TBL1X: variants seen among roughly 807,000 people sequenced by gnomAD.
The protein encoded by TBL1X is F-box-like/WD repeat-containing protein TBL1X.
TBL1X carries 10 observed loss-of-function variants against 50.7 expected under a neutral mutation model. That is an observed-to-expected ratio of 0.20 (90% CI 0.12 to 0.33). The LOEUF (loss-of-function observed/expected upper bound fraction) is 0.33, where lower values mean the gene tolerates loss of function less well. Ranked by LOEUF, TBL1X falls within the 10% of genes least tolerant of loss-of-function variation. TBL1X has a pLI of 1.00. For missense variants in TBL1X, 340 were observed against 504.4 expected (o/e 0.67, Z 3.12); for synonymous variants, 190 against 214.7 (o/e 0.88, Z 1.01).
intron 2 of TBL1X, among the ~76,000 whole-genome samples, chrX:9,606,716 AT>A (rs112206188): frequency 0.035 from 3,955 of 111,529 alleles, 63 homozygotes; most frequent in Middle Eastern, 0.084. Flanking sequence ...TCACATACCA[AT>A]TTTTTTGCTC....
chrX:9,706,954 C>T (rs1036422099), intron 13 of TBL1X, among the ~76,000 whole-genome samples: 2 of 111,768 alleles, frequency 1.8e-5, no homozygotes, highest in Non-Finnish European at 3.8e-5. Context: ...ATTCACGGCA[C>T]CCCCTGAGCT....
At chrX:9,672,885 A>G (rs1360962505) in intron 5 of TBL1X, among the ~76,000 whole-genome samples, 1 of 112,631 alleles carries the variant, frequency 8.9e-6, no homozygotes, top group Non-Finnish European at 1.9e-5. Flanking sequence ...ACAAAATACC[A>G]TAAACAACAG....
chrX:9,623,386 C>A (rs1242945601), intron 2 of TBL1X, among the ~76,000 whole-genome samples: 2 of 111,471 alleles, frequency 1.8e-5, no homozygotes, highest in Non-Finnish European at 3.8e-5. Flanking sequence ...TGCTATGGCC[C>A]TTCGAGAACA....
chrX:9,678,699 T>C (rs1601833846), intron 5 of TBL1X, among the ~76,000 whole-genome samples: 1 of 112,891 alleles, frequency 8.9e-6, no homozygotes, highest in Middle Eastern at 4.6e-3. Context: ...AGGCCAGTGA[T>C]TGATAACTTA....
intron 7 of TBL1X, among the ~76,000 whole-genome samples, chrX:9,690,221 G>A (rs780858984): frequency 8.9e-6 from 1 of 112,372 alleles, no homozygotes; most frequent in African/African-American, 3.2e-5. Flanking sequence ...CTCTGTCACA[G>A]CTGCTGAAGT....
intron 2 of TBL1X, among the ~76,000 whole-genome samples, chrX:9,556,495 C>A (rs1189902066): frequency 1.9e-5 from 2 of 104,865 alleles, no homozygotes; most frequent in Non-Finnish European, 3.9e-5. Context: ...CTGTCTCTCT[C>A]TAAAAAAAAA....
chrX:9,556,202 A>G (rs2082297946), intron 2 of TBL1X, among the ~76,000 whole-genome samples: 1 of 61,890 alleles, frequency 1.6e-5, no homozygotes, highest in South Asian at 7.0e-4. Flanking sequence ...AAAAAAAACA[A>G]AACAAAACAA....
At chrX:9,547,151 G>T (rs1489147900) in intron 2 of TBL1X, among the ~76,000 whole-genome samples, 1 of 110,903 alleles carries the variant, frequency 9.0e-6, no homozygotes, top group Non-Finnish European at 1.9e-5. Context: ...GTTATACGTT[G>T]TTGTCATTAC....
chrX:9,558,624 G>A (rs990521140), intron 2 of TBL1X, among the ~76,000 whole-genome samples: 14 of 111,490 alleles, frequency 1.3e-4, no homozygotes, highest in African/African-American at 4.2e-4. Flanking sequence ...GAACATAGTG[G>A]TTACAGATTG....
At chrX:9,522,488 A>G (rs764938331) in intron 2 of TBL1X, among the ~76,000 whole-genome samples, 2 of 111,046 alleles carry the variant, frequency 1.8e-5, no homozygotes, top group Non-Finnish European at 3.8e-5. Context: ...GGGAAGGCTG[A>G]CCATAGCAGG....
intron 2 of TBL1X, among the ~76,000 whole-genome samples, chrX:9,602,756 T>C (rs906320738): frequency 1.2e-4 from 13 of 112,604 alleles, no homozygotes; most frequent in Admixed American, 7.5e-4. Context: ...ATTTTAACTC[T>C]TATGAGATAT....
chrX:9,714,021 C>T (rs1280316402), intron 16 of TBL1X, among the ~76,000 whole-genome samples: 1 of 109,698 alleles, frequency 9.1e-6, no homozygotes, highest in Non-Finnish European at 1.9e-5. Flanking sequence ...CACTGTGTTG[C>T]CCAGGCTAGT....
intron 17 of TBL1X, 49 bp from the exon 18 acceptor site, chrX:9,716,171 A>T: frequency 3.3e-6 from 4 of 1,199,140 alleles, no homozygotes; most frequent in East Asian, 3.0e-5. Context: ...CTCTAAAGGC[A>T]TCTTTGTATT....
intron 2 of TBL1X, among the ~76,000 whole-genome samples, chrX:9,584,624 T>C (rs1224115909): frequency 8.9e-6 from 1 of 112,409 alleles, no homozygotes; most frequent in East Asian, 2.8e-4. Flanking sequence ...AATGGGATTA[T>C]TGGAAGCAAT....
chrX:9,581,134 G>A (rs750041270), intron 2 of TBL1X, among the ~76,000 whole-genome samples: 74 of 112,085 alleles, frequency 6.6e-4, no homozygotes, highest in Non-Finnish European at 1.1e-3. Context: ...AATGGTTGCA[G>A]CATCCATCAT....
rs184357369 is a variant in TBL1X at position 9,557,855 on chromosome X, A to G, written c.-131+56006A>G. ...GGCGTGGAGAACCCGCTTAATAAATAATGAGAATATATTGCTGGACTGAAA... is the reference window on the plus strand; with the variant it reads ...GGCGTGGAGAACCCGCTTAATAAATGATGAGAATATATTGCTGGACTGAAA... On this transcript the variant is annotated intron_variant, in intron 2 of 17. Transcript: ENST00000645353. Among the ~76,000 whole-genome samples, 372 of 112,211 alleles carry G rather than the reference A, an allele frequency of 3.3e-3. 1 individual carries two copies. The South Asian group carries it at 0.048, about 14-fold the overall frequency.
At chrX:9,680,134 C>T (rs961792352) in intron 5 of TBL1X, among the ~76,000 whole-genome samples, 1 of 111,039 alleles carries the variant, frequency 9.0e-6, no homozygotes, top group Non-Finnish European at 1.9e-5. Context: ...ATCCCATTCA[C>T]GAGAGTGGAT....
chrX:9,569,205 G>A (rs955998523), intron 2 of TBL1X, among the ~76,000 whole-genome samples: 2 of 107,544 alleles, frequency 1.9e-5, no homozygotes, highest in Non-Finnish European at 3.9e-5. Context: ...TGTACTGTGT[G>A]TGTGTGATGT....
chrX:9,513,889 G>T (rs916180449), intron 2 of TBL1X, among the ~76,000 whole-genome samples: 3 of 108,750 alleles, frequency 2.8e-5, no homozygotes, highest in Non-Finnish European at 5.7e-5. Flanking sequence ...GAGAGCAGGT[G>T]TCTCACATGG....
Sources: gnomAD v4.1 joint callset for allele counts (sites outside exome capture counted in the v4.1 genomes callset) on GRCh38, gnomAD v4.1.1 for gene constraint, MANE v1.5 for transcripts, NCBI Gene and HGNC (gene_info 2026-07-23, HGNC 2026-07-21) for gene names.